Variants in PIGK observed in about 807,000 individuals in gnomAD.
PIGK encodes phosphatidylinositol glycan anchor biosynthesis class K.
In PIGK, 42 loss-of-function variants were observed where a neutral mutation model predicts 50.6. The observed-to-expected ratio is 0.83, with a 90% CI of 0.65 to 1.07. PIGK has a LOEUF of 1.07. Ranked by LOEUF, PIGK falls within the 50% of genes least tolerant of loss-of-function variation. The pLI, the probability that PIGK is intolerant of heterozygous loss-of-function variation, is 0.00. For synonymous variants in PIGK, 151 were observed against 156.0 expected (o/e 0.97, Z 0.24); for missense variants, 448 against 488.7 (o/e 0.92, Z 0.78).
chr1:77,108,678 CAG>C (rs929355984), intron 10 of PIGK, among the ~76,000 whole-genome samples: 2 of 152,188 alleles, frequency 1.3e-5, no homozygotes, highest in Non-Finnish European at 2.9e-5. Context: ...AAATATCCTG[CAG>C]AGTGTTTTCC....
At chr1:77,117,294 A>C (rs1654000681) in intron 10 of PIGK, among the ~76,000 whole-genome samples, 1 of 152,258 alleles carries the variant, frequency 6.6e-6, no homozygotes, top group African/African-American at 2.4e-5. Flanking sequence ...AGGATGAATA[A>C]GAAAAATTAT....
intron 10 of PIGK, among the ~76,000 whole-genome samples, chr1:77,106,433 A>G (rs1653675986): frequency 6.6e-6 from 1 of 152,198 alleles, no homozygotes; most frequent in African/African-American, 2.4e-5. Flanking sequence ...TTGTATTAAA[A>G]ATGATCATAA....
At chr1:77,123,479 A>T (rs1390765746) in intron 9 of PIGK, among the ~76,000 whole-genome samples, 3 of 152,160 alleles carry the variant, frequency 2.0e-5, no homozygotes, top group Non-Finnish European at 4.4e-5. Context: ...TTATCTAGGT[A>T]AAAGTTTGTG....
At chr1:77,115,709 T>C (rs531123091) in intron 10 of PIGK, among the ~76,000 whole-genome samples, 4 of 152,314 alleles carry the variant, frequency 2.6e-5, no homozygotes, top group African/African-American at 7.2e-5. Context: ...TAATCTTCTA[T>C]GTTTTAAGCA....
At chr1:77,098,966 T>A (rs1653482515) in intron 10 of PIGK, among the ~76,000 whole-genome samples, 1 of 152,172 alleles carries the variant, frequency 6.6e-6, no homozygotes, top group South Asian at 2.1e-4. Flanking sequence ...AAATAACCCA[T>A]TAACATGTTT....
chr1:77,219,289 T>C, intron 1 of PIGK, 21 bp downstream of exon 1: 1 of 1,605,886 alleles, frequency 6.2e-7, no homozygotes, highest in Non-Finnish European at 8.5e-7. Context: ...CCGGCTGTGG[T>C]CAAATGAGCC....
At chr1:77,157,918 T>C (rs1055103588) in intron 8 of PIGK, among the ~76,000 whole-genome samples, 1 of 152,224 alleles carries the variant, frequency 6.6e-6, no homozygotes, top group Non-Finnish European at 1.5e-5. Flanking sequence ...CCATGTAAGA[T>C]GTGCCCTTAC....
At chr1:77,172,287 T>A (rs1004355984) in intron 3 of PIGK, among the ~76,000 whole-genome samples, 2 of 152,188 alleles carry the variant, frequency 1.3e-5, no homozygotes, top group East Asian at 3.9e-4. Context: ...CAACCACCCA[T>A]ATACTGCCAA....
intron 3 of PIGK, among the ~76,000 whole-genome samples, chr1:77,189,618 G>C (rs1259280265): frequency 6.7e-6 from 1 of 150,210 alleles, no homozygotes; most frequent in Non-Finnish European, 1.5e-5. Context: ...TTGGGACTTG[G>C]ACTGGTTCTC....
chr1:77,210,254 A>G (rs1656385585), intron 2 of PIGK, among the ~76,000 whole-genome samples, 182 bp downstream of exon 2: 1 of 152,090 alleles, frequency 6.6e-6, no homozygotes, highest in African/African-American at 2.4e-5. Flanking sequence ...TTCTGAGGAC[A>G]AAGAATATTA....
intron 3 of PIGK, among the ~76,000 whole-genome samples, chr1:77,188,074 C>T (rs1655792366): frequency 6.6e-6 from 1 of 152,162 alleles, no homozygotes; most frequent in African/African-American, 2.4e-5. Flanking sequence ...ATTGCATTAA[C>T]TGCACAAATT....
intron 8 of PIGK, among the ~76,000 whole-genome samples, chr1:77,160,266 C>T (rs1490293328): frequency 6.6e-6 from 1 of 152,164 alleles, no homozygotes; most frequent in Non-Finnish European, 1.5e-5. Flanking sequence ...AACTGTGAGT[C>T]CATTAATCTT....
intron 8 of PIGK, among the ~76,000 whole-genome samples, chr1:77,156,277 T>C (rs1049001216): frequency 6.6e-6 from 1 of 152,176 alleles, no homozygotes; most frequent in Non-Finnish European, 1.5e-5. Context: ...TATAGTCAAA[T>C]GGGCCTGGGA....
chr1:77,173,558 A>G (rs1312237520), intron 3 of PIGK, among the ~76,000 whole-genome samples: 1 of 152,224 alleles, frequency 6.6e-6, no homozygotes, highest in Admixed American at 6.5e-5. Context: ...ATTTCTTACC[A>G]GACTTCTGGC....
chr1:77,163,759 T>C (rs2293253), intron 6 of PIGK, 87 bp downstream of exon 6: 36,454 of 718,298 alleles, frequency 0.051, 1,972 homozygotes, highest in South Asian at 0.19. Context: ...AAGTTAAAAA[T>C]CTTAAAAAAT....
chr1:77,163,426 C>A (rs564148703), intron 6 of PIGK, among the ~76,000 whole-genome samples: 1 of 152,152 alleles, frequency 6.6e-6, no homozygotes, highest in South Asian at 2.1e-4. Context: ...TGAGTTGTTA[C>A]AAATTTTATG....
At chr1:77,116,271 C>T (rs1195681646) in intron 10 of PIGK, among the ~76,000 whole-genome samples, 1 of 152,082 alleles carries the variant, frequency 6.6e-6, no homozygotes, top group East Asian at 1.9e-4. Flanking sequence ...GAAAGCTCCA[C>T]CTCCCGGGTT....
At chr1:77,207,236 T>TA (rs1213541675) in intron 2 of PIGK, among the ~76,000 whole-genome samples, 2 of 152,164 alleles carry the variant, frequency 1.3e-5, no homozygotes, top group Non-Finnish European at 2.9e-5. Context: ...TATTAGATTT[T>TA]AAAAAACCAT....
At chr1:77,195,059 T>C (rs1656000047) in intron 3 of PIGK, 5 of 908,114 alleles carry the variant, frequency 5.5e-6, no homozygotes, top group Non-Finnish European at 8.9e-6. Context: ...GACCTGGCTG[T>C]GCACACTGCC....
Sources: allele counts gnomAD v4.1 joint callset (sites outside exome capture counted in the v4.1 genomes callset), GRCh38; gene constraint gnomAD v4.1.1; transcripts MANE v1.5; gene names NCBI Gene and HGNC (gene_info 2026-07-23, HGNC 2026-07-21).